The following TTLL1 variants were observed in gnomAD, a reference collection of about 807,000 sequenced individuals.
TTLL1 encodes TTL family tubulin polyglutamylase complex subunit L1.
In TTLL1, 33 loss-of-function variants were observed where a neutral mutation model predicts 47.8. The observed-to-expected ratio is 0.69, with a 90% CI of 0.52 to 0.92. The LOEUF (loss-of-function observed/expected upper bound fraction) is 0.92, where lower values mean the gene tolerates loss of function less well. TTLL1 is among the 40% of genes least tolerant of loss of function. The pLI, the probability that TTLL1 is intolerant of heterozygous loss-of-function variation, is 0.00. For synonymous variants in TTLL1, 225 were observed against 214.1 expected, an observed-to-expected ratio of 1.05 and a Z score of -0.45; for missense variants, 488 against 547.5, an observed-to-expected ratio of 0.89 and a Z score of 1.08.
chr22:43,043,891 G>C (rs533352838), intron 10 of TTLL1, among the ~76,000 whole-genome samples: 55 of 152,110 alleles, frequency 3.6e-4, no homozygotes, highest in Middle Eastern at 3.4e-3. Context: ...TCATGGTGGT[G>C]GGTGATGGCA....
chr22:43,065,771 T>C (rs947418887), intron 5 of TTLL1, among the ~76,000 whole-genome samples: 22 of 151,268 alleles, frequency 1.5e-4, no homozygotes, highest in Non-Finnish European at 3.2e-4. Context: ...ACAATTCTGG[T>C]AGGGGATGCT....
At chr22:43,066,394 C>T (rs914132337) in intron 5 of TTLL1, among the ~76,000 whole-genome samples, 2 of 151,766 alleles carry the variant, frequency 1.3e-5, no homozygotes, top group East Asian at 1.9e-4. Context: ...AAATGCTCCT[C>T]GGGCCTGGCC....
At chr22:43,049,645 T>C (rs529770244) in intron 9 of TTLL1, among the ~76,000 whole-genome samples, 6 of 150,006 alleles carry the variant, frequency 4.0e-5, no homozygotes, top group Admixed American at 6.6e-5. Flanking sequence ...GGCACATGCC[T>C]GTAATCCCAG....
intron 3 of TTLL1, among the ~76,000 whole-genome samples, chr22:43,074,732 A>G (rs1928369797): frequency 1.3e-5 from 2 of 151,950 alleles, no homozygotes; most frequent in South Asian, 2.1e-4. Context: ...GAAAAAAAGA[A>G]TAACTCCAAA....
At chr22:43,041,754 A>G (rs1489741331) in intron 10 of TTLL1, among the ~76,000 whole-genome samples, 2 of 152,018 alleles carry the variant, frequency 1.3e-5, no homozygotes, top group African/African-American at 4.8e-5. Context: ...GAGCTCAAGC[A>G]ATCTTCCTGC....
intron 7 of TTLL1, 85 bp from the exon 8 acceptor site, chr22:43,059,612 C>G: frequency 3.4e-6 from 5 of 1,474,754 alleles, no homozygotes; most frequent in Non-Finnish European, 3.6e-6. Flanking sequence ...CCAAGCATTT[C>G]TGGAGTGCCC....
chr22:43,086,801 G>C (rs1929255473), intron 1 of TTLL1, among the ~76,000 whole-genome samples: 1 of 152,110 alleles, frequency 6.6e-6, no homozygotes, highest in South Asian at 2.1e-4. Context: ...TCTGTCCCCT[G>C]CTACTCTTCT....
chr22:43,079,386 C>T lies in TTLL1; in HGVS notation c.-5+516G>A, dbSNP rs117867615. Among the ~76,000 whole-genome samples the T allele has an allele frequency of 0.029, 4,404 of 149,832 alleles. 470 individuals carry two copies. The East Asian group carries it at 0.41, about 14-fold the overall frequency. ...CTCACACCCGAAGACATGGGGACCA[C>T]GGGAGCTGCATCCCAGAGCGTGAGC... is the stretch of plus-strand genomic sequence containing the variant. On this transcript the variant is annotated intron_variant, in intron 2 of 10. Transcript: ENST00000266254.
In TTLL1 at chr22:43,067,512, T is replaced by C. The variant is rs979234942; in HGVS notation, c.503+898A>G. 2.0e-5 allele frequency among the ~76,000 whole-genome samples: 3 copies of C among 152,310 alleles called. No individual in the cohort carries two copies. The South Asian group carries it at 6.2e-4, about 32-fold the overall frequency. ...CTCACACCAGCCTGTAATCAAAAAG[T>C]GGCTGCAGGCCCTGGCCCATGACCT... On this transcript the variant is annotated intron_variant, in intron 5 of 10. Transcript: ENST00000266254.
chr22:43,078,233 T>C (rs1050433337), intron 2 of TTLL1, among the ~76,000 whole-genome samples: 2 of 151,756 alleles, frequency 1.3e-5, no homozygotes, highest in Admixed American at 6.6e-5. Flanking sequence ...CAGTGGCTCA[T>C]GTCTACAATC....
At position 43,059,367 on chromosome 22, in the gene TTLL1, G is replaced by A. The variant is rs559400909; in HGVS notation, c.891+17C>T. ...ACGGGCCCTGGGAGCCGGCTCCCCC[G>A]CCCGCACCAAACTCACCGCCACAGC... is the stretch of plus-strand genomic sequence containing the variant. On this transcript the variant is annotated intron_variant, in intron 8 of 10. Transcript: ENST00000266254. 1.9e-5 allele frequency: 30 copies of A among 1,595,886 alleles called. No homozygotes were observed. Among genetic ancestry groups the A allele is most frequent in the Admixed American group, 6.9e-5 (4 of 58,204 alleles).
chr22:43,046,651 T>G, intron 9 of TTLL1, 78 bp from the exon 10 acceptor site: 1 of 1,515,548 alleles, frequency 6.6e-7, no homozygotes, highest in Non-Finnish European at 9.1e-7. Context: ...CAGAAGGAGA[T>G]GCTGGCTGCT....
intron 6 of TTLL1, 127 bp from the exon 7 acceptor site, chr22:43,064,048 C>T: frequency 6.7e-7 from 1 of 1,482,328 alleles, no homozygotes; most frequent in Non-Finnish European, 9.2e-7. Context: ...TCGGGCCTGA[C>T]TGCTCTTACT....
At chr22:43,085,474 T>C (rs1929172926) in intron 1 of TTLL1, among the ~76,000 whole-genome samples, 1 of 152,302 alleles carries the variant, frequency 6.6e-6, no homozygotes, top group African/African-American at 2.4e-5. Context: ...AAACGAATCA[T>C]GGGAGTGGTT....
chr22:43,075,399 C>T, intron 3 of TTLL1, 75 bp downstream of exon 3: 1 of 1,262,728 alleles, frequency 7.9e-7, no homozygotes, highest in Non-Finnish European at 1.2e-6. Context: ...AGGCCACTCT[C>T]TGGGAGGCAC....
At chr22:43,064,540 C>T (rs1257827426) in intron 5 of TTLL1, among the ~76,000 whole-genome samples, 1 of 151,636 alleles carries the variant, frequency 6.6e-6, no homozygotes, top group Non-Finnish European at 1.5e-5. Context: ...GCCTGGTCAA[C>T]ACGGTGAAAC....
In TTLL1 at chr22:43,039,597, C is replaced by T. The variant is rs1925500365; in HGVS notation, c.*179G>A. 1 of 639,588 alleles carries T rather than the reference C, an allele frequency of 1.6e-6. No individual in the cohort carries two copies. Among genetic ancestry groups the T allele is most frequent in the Non-Finnish European group, 2.3e-6 (1 of 443,150 alleles). 39.6% of individuals were successfully genotyped at this position (639,588 alleles called of 1,614,324 possible). A position where few individuals can be genotyped will look rare whatever the true frequency, so the allele number is the denominator to read the frequency against. ...AAAAAAAAGAGCGAGTTTTATACAT[C>T]CGCATGAATTGTTTCCTTTAGCACT... On this transcript the variant is annotated 3_prime_UTR_variant, in exon 11 of 11. Transcript: ENST00000266254.
intron 1 of TTLL1, among the ~76,000 whole-genome samples, chr22:43,083,746 C>T (rs1168320927): frequency 6.6e-6 from 1 of 151,960 alleles, no homozygotes; most frequent in African/African-American, 2.4e-5. Flanking sequence ...CAACCACAAC[C>T]ACAACAATAA....
intron 8 of TTLL1, chr22:43,052,278 C>G (rs368779930): frequency 4.4e-6 from 1 of 228,366 alleles, no homozygotes; most frequent in Admixed American, 4.7e-5. Flanking sequence ...CCAGGCTGCC[C>G]GTTACCCCTT....
Sources: gnomAD v4.1 joint callset for allele counts (sites outside exome capture counted in the v4.1 genomes callset) on GRCh38, gnomAD v4.1.1 for gene constraint, MANE v1.5 for transcripts, NCBI Gene and HGNC (gene_info 2026-07-23, HGNC 2026-07-21) for gene names.